The following EYS variants were observed in gnomAD, a reference collection of about 807,000 sequenced individuals.
EYS encodes protein eyes shut homolog.
Under a neutral mutation model 282.1 loss-of-function variants are expected in EYS, and 250 were observed. The ratio of observed to expected loss-of-function variants is 0.89; its 90% confidence interval spans 0.80 to 0.98. The LOEUF (loss-of-function observed/expected upper bound fraction) is 0.98, where lower values mean the gene tolerates loss of function less well. Among genes scored for constraint, EYS ranks in the 50% least tolerant of loss-of-function variants. The probability of loss-of-function intolerance (pLI) is 0.00; values close to 1 mark genes in which losing one functional copy is unlikely to be tolerated. For synonymous variants in EYS, 1,355 were observed against 1,282.9 expected, an observed-to-expected ratio of 1.06 and a Z score of -1.20; for missense variants, 4,016 against 3,709.0, an observed-to-expected ratio of 1.08 and a Z score of -2.15.
intron 34 of EYS, among the ~76,000 whole-genome samples, chr6:63,993,485 G>T (rs1355752862): frequency 1.3e-5 from 2 of 151,498 alleles, no homozygotes; most frequent in Admixed American, 6.6e-5. Context: ...CAAAATTTCA[G>T]GATACAAAAA....
At position 64,416,617 on chromosome 6, in the gene EYS, A is replaced by C. The variant is rs530670831; in HGVS notation, c.5927+19557T>G. ...TCATTTATTCATTAGGCAAAACTTCATAAGTACTTAATGTTTATCACTCAC... is the reference window on the plus strand; with the variant it reads ...TCATTTATTCATTAGGCAAAACTTCCTAAGTACTTAATGTTTATCACTCAC... On this transcript the variant is annotated intron_variant, in intron 28 of 42. Coordinates refer to ENST00000503581, the MANE Select transcript of EYS (RefSeq NM_001142800.2). 5.5e-4 allele frequency among the ~76,000 whole-genome samples: 83 copies of C among 151,464 alleles called. 1 individual carries two copies. In the South Asian group the frequency reaches 9.6e-3, roughly 17 times the overall value.
chr6:63,921,711 T>G (rs1360539960), intron 35 of EYS, among the ~76,000 whole-genome samples: 1 of 152,202 alleles, frequency 6.6e-6, no homozygotes, highest in Non-Finnish European at 1.5e-5. Context: ...TGTTAGAGCA[T>G]TTTTGAAATC....
chr6:64,693,185 A>G (rs779616286), intron 22 of EYS, among the ~76,000 whole-genome samples: 4 of 151,624 alleles, frequency 2.6e-5, no homozygotes, highest in Non-Finnish European at 5.9e-5. Context: ...GTAAATTTAA[A>G]ATATTATCAT....
chr6:63,972,791 T>C (rs1766646895), intron 35 of EYS, among the ~76,000 whole-genome samples: 1 of 152,156 alleles, frequency 6.6e-6, no homozygotes, highest in South Asian at 2.1e-4. Flanking sequence ...ACATGTGGTC[T>C]TTGGTTTTCT....
chr6:65,215,579 G>A (rs755637856), intron 12 of EYS, among the ~76,000 whole-genome samples: 1 of 152,162 alleles, frequency 6.6e-6, no homozygotes, highest in African/African-American at 2.4e-5. Context: ...CAAAAACTTA[G>A]TTCATGAAAC....
intron 5 of EYS, among the ~76,000 whole-genome samples, chr6:65,447,486 C>A (rs540793965): frequency 6.6e-6 from 1 of 151,206 alleles, no homozygotes; most frequent in African/African-American, 2.4e-5. Flanking sequence ...AAAACAAGAG[C>A]ACTTTCCCAG....
chr6:65,007,085 A>G (rs1771693310), intron 13 of EYS, among the ~76,000 whole-genome samples: 1 of 152,176 alleles, frequency 6.6e-6, no homozygotes, highest in Admixed American at 6.5e-5. Flanking sequence ...AGCATCCTGG[A>G]TCCCTTTTTT....
chr6:65,375,301 T>A (rs2150344828), intron 8 of EYS, among the ~76,000 whole-genome samples: 1 of 152,022 alleles, frequency 6.6e-6, no homozygotes, highest in Admixed American at 6.5e-5. Context: ...GGCCTGACCA[T>A]CAGAAGAAAA....
In EYS at chr6:65,331,788, C is replaced by A. The variant is rs540745367; in HGVS notation, c.1766+3192G>T. 6.7e-4 allele frequency: 605 copies of A among 902,306 alleles called. 2 individuals are homozygous for A. Among genetic ancestry groups the A allele is most frequent in the Non-Finnish European group, 7.6e-4 (572 of 754,532 alleles). The allele number at this position is 902,306 out of a possible 1,614,324, so 55.9% of individuals were successfully genotyped here. A position where few individuals can be genotyped will look rare whatever the true frequency, so the allele number is the denominator to read the frequency against. ...TTTGTGGCTTACTACTTTTCCTTAT[C>A]AAAATGTTTTCAATGTTTATTCGTA... On this transcript the variant is annotated intron_variant, in intron 11 of 42. Coordinates refer to ENST00000503581, the MANE Select transcript of EYS (RefSeq NM_001142800.2).
chr6:64,263,575 T>C (rs1246319806), intron 30 of EYS, among the ~76,000 whole-genome samples: 2 of 152,152 alleles, frequency 1.3e-5, no homozygotes, highest in African/African-American at 4.8e-5. Flanking sequence ...TCTTCTGCCT[T>C]AGTATTGTTT....
chr6:65,673,890 T>C (rs530365082), intron 1 of EYS, among the ~76,000 whole-genome samples: 1 of 152,092 alleles, frequency 6.6e-6, no homozygotes, highest in African/African-American at 2.4e-5. Flanking sequence ...TTTAGTTTCC[T>C]GATATGAGTA....
intron 8 of EYS, among the ~76,000 whole-genome samples, chr6:65,366,446 A>G (rs1177303415): frequency 6.6e-6 from 1 of 151,808 alleles, no homozygotes; most frequent in Non-Finnish European, 1.5e-5. Context: ...AAAAGCTAAG[A>G]CTAAAAATGA....
At chr6:64,521,595 A>G (rs549778205) in intron 26 of EYS, among the ~76,000 whole-genome samples, 2 of 151,868 alleles carry the variant, frequency 1.3e-5, no homozygotes, top group South Asian at 2.1e-4. Flanking sequence ...CAAGTGCCTC[A>G]TTGACAGACT....
chr6:65,586,426 T>C (rs1250293961), intron 2 of EYS, among the ~76,000 whole-genome samples: 1 of 152,070 alleles, frequency 6.6e-6, no homozygotes, highest in Non-Finnish European at 1.5e-5. Flanking sequence ...TGCTGGAGAT[T>C]AAGGGTATCC....
chr6:64,934,948 G>A (rs1768856337), intron 15 of EYS, among the ~76,000 whole-genome samples: 1 of 151,710 alleles, frequency 6.6e-6, no homozygotes, highest in South Asian at 2.1e-4. Context: ...AATTATAACA[G>A]TTTGTTGATG....
At chr6:65,128,406 C>T (rs75486620) in intron 12 of EYS, among the ~76,000 whole-genome samples, 186 of 151,946 alleles carry the variant, frequency 1.2e-3, no homozygotes, top group African/African-American at 4.0e-3. Context: ...AATGACAATA[C>T]GATTTTATAC....
intron 2 of EYS, among the ~76,000 whole-genome samples, chr6:65,635,389 C>A (rs1028047522): frequency 6.6e-6 from 1 of 152,148 alleles, no homozygotes; most frequent in African/African-American, 2.4e-5. Context: ...TCTGATTTAA[C>A]CACCCCGCCC....
At chr6:63,764,125 G>A (rs988969371) in intron 40 of EYS, among the ~76,000 whole-genome samples, 1 of 151,608 alleles carries the variant, frequency 6.6e-6, no homozygotes, top group African/African-American at 2.4e-5. Flanking sequence ...ATAAACCACC[G>A]TGCCAGTCTA....
chr6:64,890,007 G>T (rs1421656169), intron 18 of EYS, among the ~76,000 whole-genome samples: 2 of 150,058 alleles, frequency 1.3e-5, no homozygotes, highest in African/African-American at 5.0e-5. Flanking sequence ...ACATCCCTGG[G>T]AAAGAGAATA....
Sources: allele counts gnomAD v4.1 joint callset (sites outside exome capture counted in the v4.1 genomes callset), GRCh38; gene constraint gnomAD v4.1.1; transcripts MANE v1.5; gene names NCBI Gene and HGNC (gene_info 2026-07-23, HGNC 2026-07-21).